ANK2: variants seen among roughly 807,000 people sequenced by gnomAD.
ANK2 encodes ankyrin 2, also known as ankyrin-2.
Under a neutral mutation model 360.5 loss-of-function variants are expected in ANK2, and 83 were observed. That is an observed-to-expected ratio of 0.23 (90% CI 0.19 to 0.28). The LOEUF is 0.28. Among genes scored for constraint, ANK2 ranks in the 10% least tolerant of loss-of-function variants. The pLI is 1.00. For missense variants in ANK2, 4,201 were observed against 4,795.7 expected (o/e 0.88, Z 3.66); for synonymous variants, 1,740 against 1,759.5 (o/e 0.99, Z 0.28).
chr4:112,735,859 A>G, the ANK2 span, among the ~76,000 whole-genome samples: 3 of 152,102 alleles, frequency 2.0e-5, no homozygotes, highest in Non-Finnish European at 4.4e-5. Flanking sequence ...ATCCCAGCCC[A>G]TGGTAACTAC....
chr4:112,834,201 T>C lies in ANK2; in HGVS notation c.-40+15937T>C, dbSNP rs535971630. 2.2e-4 allele frequency among the ~76,000 whole-genome samples: 33 copies of C among 152,356 alleles called. No individual in the cohort carries two copies. The Middle Eastern group carries it at 0.01, about 47-fold the overall frequency. ...AATGCATATATCAATATTTTGACATTCTTACTATGTATTAGATGATATTAA... is the reference window on the plus strand; with the variant it reads ...AATGCATATATCAATATTTTGACATCCTTACTATGTATTAGATGATATTAA... On this transcript the variant is annotated intron_variant, in intron 1 of 30. Transcript: ENST00000503271.
the ANK2 span, among the ~76,000 whole-genome samples, chr4:112,726,798 C>T: frequency 4.1e-5 from 6 of 147,848 alleles, no homozygotes; most frequent in Non-Finnish European, 7.4e-5. Context: ...TTGCAGTGAG[C>T]CAAGATCACC....
At position 113,183,654 on chromosome 4, in the gene ANK2, G is replaced by A. The variant is rs114603760; in HGVS notation, c.186+9137G>A. Among the ~76,000 whole-genome samples the A allele has an allele frequency of 8.2e-3, 1,246 of 152,230 alleles. 16 individuals carry two copies. Among genetic ancestry groups the A allele is most frequent in the Non-Finnish European group, 0.014 (940 of 68,020 alleles). On this transcript the variant is annotated intron_variant, in intron 2 of 45. Coordinates refer to ENST00000357077, the MANE Select transcript of ANK2 (RefSeq NM_001148.6). ...GATGAGTAGATTAGCAAGAGAGTAA[G>A]TGCTGTTCAGAGGGTTGGATGCTTA...
At chr4:113,233,297 G>A (rs1000392848) in intron 5 of ANK2, among the ~76,000 whole-genome samples, 2 of 150,120 alleles carry the variant, frequency 1.3e-5, no homozygotes, top group Non-Finnish European at 3.0e-5. Context: ...ACTACGCCCG[G>A]CTAATTTTTT....
At chr4:113,151,093 A>T (rs2097060413) in intron 1 of ANK2, 1 of 1,289,138 alleles carries the variant, frequency 7.8e-7, no homozygotes, top group Non-Finnish European at 1.0e-6. Flanking sequence ...ACATGCCCCC[A>T]GATGAAACCA....
chr4:113,339,355 G>C, intron 32 of ANK2, 33 bp downstream of exon 32: 1 of 1,560,182 alleles, frequency 6.4e-7, no homozygotes, highest in Non-Finnish European at 8.8e-7. Context: ...AGCCCACTAT[G>C]ATATGTTACC....
chr4:112,815,302 A>G (rs1246917387), upstream of ANK2, among the ~76,000 whole-genome samples: 1 of 152,236 alleles, frequency 6.6e-6, no homozygotes, highest in African/African-American at 2.4e-5. Flanking sequence ...CCCATCGAAT[A>G]TCATGCACTT....
At chr4:113,360,060 C>T (rs2096106498) in intron 38 of ANK2, among the ~76,000 whole-genome samples, 1 of 152,124 alleles carries the variant, frequency 6.6e-6, no homozygotes, top group African/African-American at 2.4e-5. Flanking sequence ...AATATCTCTA[C>T]AATGAAGACT....
intron 4 of ANK2, among the ~76,000 whole-genome samples, chr4:113,231,501 A>G (rs2099304944): frequency 6.6e-6 from 1 of 152,258 alleles, no homozygotes; most frequent in Non-Finnish European, 1.5e-5. Context: ...TAAATGCAGA[A>G]GATATTATAT....
intron 1 of ANK2, among the ~76,000 whole-genome samples, chr4:112,898,574 C>G (rs1331608674): frequency 6.6e-6 from 1 of 152,138 alleles, no homozygotes; most frequent in East Asian, 1.9e-4. Flanking sequence ...ACTTGGCTGA[C>G]AGTGTTTATA....
At chr4:112,896,863 G>A (rs1180482909) in intron 1 of ANK2, among the ~76,000 whole-genome samples, 1 of 152,210 alleles carries the variant, frequency 6.6e-6, no homozygotes, top group Non-Finnish European at 1.5e-5. Flanking sequence ...CACCCTCATA[G>A]TGAAGCTGTT....
the ANK2 span, among the ~76,000 whole-genome samples, chr4:112,747,167 C>G: frequency 6.6e-6 from 1 of 152,144 alleles, no homozygotes; most frequent in Non-Finnish European, 1.5e-5. Flanking sequence ...CATTCTTTAG[C>G]CAAAACTCTG....
At chr4:113,249,680 G>A in intron 9 of ANK2, 84 bp from the exon 10 acceptor site, 1 of 1,267,008 alleles carries the variant, frequency 7.9e-7, no homozygotes, top group Admixed American at 1.9e-5. Context: ...TTGAGTTTAG[G>A]AACTCCCTCT....
At chr4:113,374,524 A>T (rs1454522178) in intron 45 of ANK2, among the ~76,000 whole-genome samples, 2 of 152,050 alleles carry the variant, frequency 1.3e-5, no homozygotes, top group East Asian at 1.9e-4. Flanking sequence ...CACAAAACTG[A>T]TAACTTTTTG....
intron 2 of ANK2, among the ~76,000 whole-genome samples, chr4:112,978,354 A>C (rs987992639): frequency 5.9e-5 from 9 of 152,328 alleles, no homozygotes; most frequent in African/African-American, 2.2e-4. Flanking sequence ...AGATATACTT[A>C]AAATAAAACT....
intron 2 of ANK2, among the ~76,000 whole-genome samples, chr4:113,004,595 A>G (rs1170491125): frequency 6.6e-6 from 1 of 152,190 alleles, no homozygotes; most frequent in Non-Finnish European, 1.5e-5. Context: ...GTCTGAAGCT[A>G]TTTTACAGTT....
intron 4 of ANK2, among the ~76,000 whole-genome samples, chr4:113,215,665 ACAGC>A (rs1456835826): frequency 6.6e-6 from 1 of 152,138 alleles, no homozygotes; most frequent in Non-Finnish European, 1.5e-5. Context: ...TTTGCTACAA[ACAGC>A]CAGAAAAAAA....
intron 2 of ANK2, among the ~76,000 whole-genome samples, chr4:112,922,568 T>C (rs1414418186): frequency 1.3e-5 from 2 of 152,236 alleles, no homozygotes; most frequent in Non-Finnish European, 1.5e-5. Context: ...TATTCAATAA[T>C]GTAGTTCTGC....
At chr4:112,951,832 A>G (rs925656900) in intron 2 of ANK2, among the ~76,000 whole-genome samples, 10 of 152,384 alleles carry the variant, frequency 6.6e-5, no homozygotes, top group Admixed American at 5.2e-4. Flanking sequence ...TATTTAAATT[A>G]TAAATAGCTA....
Sources: allele counts gnomAD v4.1 joint callset (sites outside exome capture counted in the v4.1 genomes callset), GRCh38; gene constraint gnomAD v4.1.1; transcripts MANE v1.5; gene names NCBI Gene and HGNC (gene_info 2026-07-23, HGNC 2026-07-21).